The following ICA1L variants were observed in gnomAD, a reference collection of about 807,000 sequenced individuals.
ICA1L encodes the protein islet cell autoantigen 1-like protein.
ICA1L carries 50 observed loss-of-function variants against 61.3 expected under a neutral mutation model. That is an observed-to-expected ratio of 0.82 (90% CI 0.65 to 1.03). ICA1L has a LOEUF of 1.03. Among genes scored for constraint, ICA1L ranks in the 50% least tolerant of loss-of-function variants. The pLI, the probability that ICA1L is intolerant of heterozygous loss-of-function variation, is 0.00. For synonymous variants in ICA1L, 161 were observed against 191.3 expected (o/e 0.84, Z 1.31); for missense variants, 508 against 556.7 (o/e 0.91, Z 0.88).
At chr2:202,786,799 CAAT>C (rs758608232) in intron 11 of ICA1L, 4 of 435,336 alleles carry the variant, frequency 9.2e-6, no homozygotes, top group Non-Finnish European at 1.8e-5. Flanking sequence ...CAAGTAGAAA[CAAT>C]AAGGAAGGAA....
intron 1 of ICA1L, chr2:202,841,150 C>G (rs1234562776): frequency 3.1e-6 from 2 of 649,502 alleles, no homozygotes; most frequent in Admixed American, 3.8e-5. Context: ...AGGCAAGACT[C>G]TAGCTCTACC....
intron 10 of ICA1L, among the ~76,000 whole-genome samples, chr2:202,790,859 T>C (rs1177604801): frequency 6.6e-6 from 1 of 152,192 alleles, no homozygotes; most frequent in Non-Finnish European, 1.5e-5. Flanking sequence ...AAGTATGCCA[T>C]TGTCCCCACT....
intron 12 of ICA1L, among the ~76,000 whole-genome samples, chr2:202,782,703 A>G (rs1490419747): frequency 6.6e-6 from 1 of 151,920 alleles, no homozygotes; most frequent in Admixed American, 6.6e-5. Flanking sequence ...CACCGCACCC[A>G]GACTGTTAAA....
chr2:202,792,306 C>T (rs866536024), intron 10 of ICA1L, among the ~76,000 whole-genome samples: 1 of 152,104 alleles, frequency 6.6e-6, no homozygotes, highest in Admixed American at 6.6e-5. Context: ...AAGTTAAATT[C>T]ACCATACAAC....
rs71030996 is a variant in ICA1L, at chr2:202,861,883, CA to C, written c.-8+9735del. Among the ~76,000 whole-genome samples the C allele has an allele frequency of 5.7e-3, 234 of 40,908 alleles. 1 individual carries two copies. The highest frequency in any genetic ancestry group is 0.021 in the African/African-American group (187 of 8,790). The allele number at this position is 40,908 out of a possible 152,430, so 26.8% of individuals were successfully genotyped here. A position where few individuals can be genotyped will look rare whatever the true frequency, so the allele number is the denominator to read the frequency against. The stretch of plus-strand genomic sequence containing the variant: ...TGGGCAACAAAGTGAGATTCAGACT[CA>C]AAAAAAAAAAAAAAAAAAAAAGTGA... On this transcript the variant is annotated intron_variant, in intron 1 of 12. Coordinates refer to ENST00000358299, the MANE Select transcript of ICA1L (RefSeq NM_001288622.3).
At chr2:202,800,116 G>T (rs1448257810) in intron 9 of ICA1L, among the ~76,000 whole-genome samples, 1 of 151,774 alleles carries the variant, frequency 6.6e-6, no homozygotes, top group Non-Finnish European at 1.5e-5. Context: ...CTCCTGACTT[G>T]GTGATCTGCC....
chr2:202,869,417 A>C (rs1687628318), intron 1 of ICA1L: 1 of 152,222 alleles, frequency 6.6e-6, no homozygotes, highest in South Asian at 2.1e-4. Flanking sequence ...ACACAAGTGC[A>C]GGCTATATGC....
intron 4 of ICA1L, chr2:202,820,155 C>T (rs555728513): frequency 2.5e-6 from 1 of 403,672 alleles, no homozygotes; most frequent in South Asian, 2.7e-5. Flanking sequence ...GGGCAGATCG[C>T]CTGAGGTCAG....
intron 1 of ICA1L, among the ~76,000 whole-genome samples, chr2:202,834,743 C>T (rs184428335): frequency 2.5e-4 from 38 of 152,284 alleles, no homozygotes; most frequent in Non-Finnish European, 4.0e-4. Flanking sequence ...TTCTTTACCA[C>T]CTCACTCCAT....
Position 202,776,303 on chromosome 2 carries a change from T to G in ICA1L, c.*3230A>C, listed in dbSNP as rs921969984. 2 of 152,070 alleles carry G rather than the reference T, an allele frequency of 1.3e-5. No homozygotes were observed. The highest frequency in any genetic ancestry group is 1.5e-5 in the Non-Finnish European group (1 of 68,036). The allele number at this position is 152,070 out of a possible 1,614,324, so 9.4% of individuals were successfully genotyped here. A position where few individuals can be genotyped will look rare whatever the true frequency, so the allele number is the denominator to read the frequency against. On this transcript the variant is annotated 3_prime_UTR_variant, in exon 13 of 13. Transcript: ENST00000358299. ...GGTTGTAGACACACTAGGCAAAGTT[T>G]AGCTCGTCTGGTTTTTTTTAGACTT...
chr2:202,795,927 C>T (rs540759986), intron 10 of ICA1L, among the ~76,000 whole-genome samples: 17 of 152,004 alleles, frequency 1.1e-4, no homozygotes, highest in East Asian at 1.9e-4. Context: ...CCTGTAATCC[C>T]GGCTATTTGG....
At chr2:202,781,435 G>A (rs576575173) in intron 12 of ICA1L, among the ~76,000 whole-genome samples, 2 of 151,666 alleles carry the variant, frequency 1.3e-5, no homozygotes, top group Non-Finnish European at 2.9e-5. Context: ...TTAGCAGGGC[G>A]TGGTGGCGCA....
chr2:202,779,510 C>A lies in ICA1L; in HGVS notation c.*23G>T, dbSNP rs1310498197. ...TTGCAAAATTGATGTCTCAAGGCCA[C>A]TGAAGTGACATTATAACTTCAGTCA... On this transcript the variant is annotated 3_prime_UTR_variant, in exon 13 of 13. Transcript: ENST00000358299. 7.0e-7 allele frequency: 1 copy of A among 1,429,286 alleles called. No individual in the cohort carries two copies. The highest frequency in any genetic ancestry group is 1.8e-5 in the Admixed American group (1 of 56,538). 88.5% of individuals were successfully genotyped at this position (1,429,286 alleles called of 1,614,324 possible). A position where few individuals can be genotyped will look rare whatever the true frequency, so the allele number is the denominator to read the frequency against.
chr2:202,783,552 C>T (rs1423664658), intron 12 of ICA1L, among the ~76,000 whole-genome samples: 1 of 152,162 alleles, frequency 6.6e-6, no homozygotes, highest in African/African-American at 2.4e-5. Context: ...ATGACCTGTA[C>T]ACTGCAAAAA....
intron 1 of ICA1L, among the ~76,000 whole-genome samples, chr2:202,862,351 G>A (rs1434676917): frequency 6.6e-6 from 1 of 150,716 alleles, no homozygotes; most frequent in African/African-American, 2.4e-5. Context: ...GACTTTGGAG[G>A]CTGAGGTGGG....
At chr2:202,822,682 T>C (rs1252289109) in intron 3 of ICA1L, among the ~76,000 whole-genome samples, 1 of 152,162 alleles carries the variant, frequency 6.6e-6, no homozygotes, top group African/African-American at 2.4e-5. Flanking sequence ...TCATGCCTAA[T>C]TTCATCCCAC....
chr2:202,816,687 T>C (rs1236153779), intron 6 of ICA1L, among the ~76,000 whole-genome samples: 5 of 152,238 alleles, frequency 3.3e-5, no homozygotes, highest in Non-Finnish European at 7.3e-5. Context: ...AGTACTGAAC[T>C]GAAATAGGCA....
At chr2:202,794,767 T>C (rs946439179) in intron 10 of ICA1L, among the ~76,000 whole-genome samples, 3 of 151,536 alleles carry the variant, frequency 2.0e-5, no homozygotes, top group African/African-American at 7.3e-5. Flanking sequence ...ATAAAATACA[T>C]AGAAATAAAC....
At chr2:202,843,886 C>T (rs1372350349) in intron 1 of ICA1L, among the ~76,000 whole-genome samples, 1 of 152,198 alleles carries the variant, frequency 6.6e-6, no homozygotes, top group Non-Finnish European at 1.5e-5. Flanking sequence ...AAATGGATAT[C>T]TTATATAGAA....
Sources: gnomAD v4.1 joint callset for allele counts (sites outside exome capture counted in the v4.1 genomes callset) on GRCh38, gnomAD v4.1.1 for gene constraint, MANE v1.5 for transcripts, NCBI Gene and HGNC (gene_info 2026-07-23, HGNC 2026-07-21) for gene names.